CCDC179: variants seen among roughly 807,000 people sequenced by gnomAD.
The protein encoded by CCDC179 is coiled-coil domain containing 179, also known as coiled-coil domain-containing protein 179.
Under a neutral mutation model 12.0 loss-of-function variants are expected in CCDC179, and 17 were observed. That is an observed-to-expected ratio of 1.42 (90% CI 0.97 to 2.13). The LOEUF (loss-of-function observed/expected upper bound fraction) is 2.13, where lower values mean the gene tolerates loss of function less well. CCDC179 is among the 30% of genes most tolerant of loss of function. The pLI is 0.00. For missense variants in CCDC179, 83 were observed against 78.6 expected (o/e 1.06, Z -0.21); for synonymous variants, 27 against 26.4 (o/e 1.02, Z -0.07).
intron 3 of CCDC179, among the ~76,000 whole-genome samples, chr11:22,848,947 G>C (rs576790035): frequency 6.6e-6 from 1 of 152,232 alleles, no homozygotes; most frequent in African/African-American, 2.4e-5. Flanking sequence ...AATCCACAAT[G>C]ATTTGAAAAT....
At chr11:22,849,610 C>T (rs1858321982) in intron 3 of CCDC179, among the ~76,000 whole-genome samples, 1 of 151,972 alleles carries the variant, frequency 6.6e-6, no homozygotes, top group African/African-American at 2.4e-5. Context: ...TTTCTGTACC[C>T]ATCAACAGAC....
intron 1 of CCDC179, among the ~76,000 whole-genome samples, chr11:22,859,780 G>A (rs1858619395): frequency 6.6e-6 from 1 of 152,160 alleles, no homozygotes. Context: ...ATATATTCGG[G>A]AGGGAAAGAA....
In CCDC179 at chr11:22,859,484, G is replaced by T. The variant is rs1159422774; in HGVS notation, c.58C>A (p.Gln20Lys). Residue 20 changes from glutamine to lysine, a missense_variant, in exon 2 of 4, where the codon CAA becomes AAA. Transcript: ENST00000532798. ...PSQVNPEGPR[Q>K]HHPSEVTERQ... ...TCAGTGACCTCTGAAGGATGATGTT[G>T]TCTTGGTCCTTCCTATATAATAAAC... 3 of 1,498,452 alleles carry T rather than the reference G, an allele frequency of 2.0e-6. No individual in the cohort carries two copies. The highest frequency in any genetic ancestry group is 2.7e-6 in the Non-Finnish European group (3 of 1,125,834). 92.8% of individuals were successfully genotyped at this position (1,498,452 alleles called of 1,614,324 possible). A position where few individuals can be genotyped will look rare whatever the true frequency, so the allele number is the denominator to read the frequency against.
intron 2 of CCDC179, 155 bp from the exon 3 acceptor site, chr11:22,858,181 T>G: frequency 2.0e-6 from 1 of 506,918 alleles, no homozygotes; most frequent in Non-Finnish European, 3.5e-6. Flanking sequence ...GAAAAATCTC[T>G]TTCATTCAAA....
At chr11:22,857,470 GATA>G (rs915652697) in intron 3 of CCDC179, among the ~76,000 whole-genome samples, 2 of 151,666 alleles carry the variant, frequency 1.3e-5, no homozygotes, top group East Asian at 1.9e-4. Context: ...AAATGATAAT[GATA>G]ATAATCTGGA....
At chr11:22,859,640 A>G in intron 1 of CCDC179, 144 bp from the exon 2 acceptor site, 1 of 454,124 alleles carries the variant, frequency 2.2e-6, no homozygotes, top group Non-Finnish European at 3.6e-6. Context: ...GGTTAAAAAA[A>G]CAAAAAGAAA....
intron 3 of CCDC179, among the ~76,000 whole-genome samples, chr11:22,856,392 A>G (rs1257994562): frequency 2.0e-5 from 3 of 151,544 alleles, no homozygotes; most frequent in Admixed American, 1.3e-4. Context: ...CATCACGTCA[A>G]AAGGCTAAAG....
intron 3 of CCDC179, among the ~76,000 whole-genome samples, chr11:22,856,914 G>A (rs1300833162): frequency 6.6e-6 from 1 of 151,480 alleles, no homozygotes; most frequent in Non-Finnish European, 1.5e-5. Flanking sequence ...GTGAAAAACA[G>A]CCTCCCATTT....
chr11:22,860,061 A>T (rs143368375), intron 1 of CCDC179, among the ~76,000 whole-genome samples: 1 of 152,212 alleles, frequency 6.6e-6, no homozygotes, highest in South Asian at 2.1e-4. Flanking sequence ...TCTGTTCCAC[A>T]TCTGGCAATT....
At chr11:22,858,767 C>T (rs529389662) in intron 2 of CCDC179, among the ~76,000 whole-genome samples, 2 of 152,064 alleles carry the variant, frequency 1.3e-5, no homozygotes, top group South Asian at 4.1e-4. Flanking sequence ...AAGATGTGTA[C>T]TAGAATGTTT....
At chr11:22,857,695 A>C (rs749964704) in intron 3 of CCDC179, among the ~76,000 whole-genome samples, 10 of 151,760 alleles carry the variant, frequency 6.6e-5, no homozygotes, top group Non-Finnish European at 1.5e-4. Context: ...AGTCCAGAAC[A>C]ACCTGGTTTC....
intron 3 of CCDC179, among the ~76,000 whole-genome samples, chr11:22,851,693 A>G (rs1858407728): frequency 6.6e-6 from 1 of 152,248 alleles, no homozygotes; most frequent in Non-Finnish European, 1.5e-5. Flanking sequence ...GAGACAGACA[A>G]GTGGATGTGG....
intron 3 of CCDC179, 36 bp from the exon 4 acceptor site, chr11:22,847,557 T>G: frequency 8.6e-7 from 1 of 1,166,238 alleles, no homozygotes. Flanking sequence ...AATAAGAAAT[T>G]TAATTAAAAT....
intron 3 of CCDC179, among the ~76,000 whole-genome samples, chr11:22,855,059 G>A (rs368691560): frequency 6.6e-6 from 1 of 151,546 alleles, no homozygotes; most frequent in Non-Finnish European, 1.5e-5. Flanking sequence ...AATATGTGAG[G>A]CAAAAACTGA....
At chr11:22,858,813 T>C (rs1206162272) in intron 2 of CCDC179, among the ~76,000 whole-genome samples, 2 of 151,954 alleles carry the variant, frequency 1.3e-5, no homozygotes, top group African/African-American at 4.8e-5. Flanking sequence ...AATGTAAAAA[T>C]AACACAATGT....
chr11:22,853,433 C>G lies in CCDC179; in HGVS notation c.195+4489G>C, dbSNP rs532225234. ...CAAAATGGAAAATCTAAGAAGAAAT[C>G]AAACTAACACTAAAAGTCTAAAATA... On this transcript the variant is annotated intron_variant, in intron 3 of 3. Coordinates refer to ENST00000532798, the MANE Select transcript of CCDC179 (RefSeq NM_001195637.2). Among the ~76,000 whole-genome samples the G allele has an allele frequency of 2.0e-5, 3 of 152,032 alleles. No homozygotes were observed. The South Asian group carries it at 6.2e-4, about 32-fold the overall frequency.
intron 3 of CCDC179, among the ~76,000 whole-genome samples, chr11:22,855,836 A>G (rs1274048116): frequency 6.6e-6 from 1 of 151,374 alleles, no homozygotes; most frequent in East Asian, 1.9e-4. Flanking sequence ...CTAACATCAT[A>G]AATAAGAGAC....
chr11:22,852,170 A>G (rs1218753448), intron 3 of CCDC179, among the ~76,000 whole-genome samples: 1 of 152,196 alleles, frequency 6.6e-6, no homozygotes, highest in Non-Finnish European at 1.5e-5. Flanking sequence ...CATCCCAGGG[A>G]TAGGAAACTG....
intron 2 of CCDC179, among the ~76,000 whole-genome samples, chr11:22,858,711 C>T (rs1438515407): frequency 1.3e-5 from 2 of 152,036 alleles, no homozygotes; most frequent in Admixed American, 6.5e-5. Context: ...TCAACCATTA[C>T]ACTCCTGCCT....
Sources: allele counts gnomAD v4.1 joint callset (sites outside exome capture counted in the v4.1 genomes callset), GRCh38; gene constraint gnomAD v4.1.1; transcripts MANE v1.5; gene names NCBI Gene and HGNC (gene_info 2026-07-23, HGNC 2026-07-21).